NETO1: variants seen among roughly 807,000 people sequenced by gnomAD.
NETO1 encodes neuropilin and tolloid-like protein 1.
In NETO1, 26 loss-of-function variants were observed where a neutral mutation model predicts 61.3. That is an observed-to-expected ratio of 0.42 (90% CI 0.31 to 0.59). The LOEUF (loss-of-function observed/expected upper bound fraction) is 0.59. NETO1 is among the 20% of genes least tolerant of loss of function. NETO1 has a pLI of 0.12. For synonymous variants in NETO1, 225 were observed against 225.8 expected (o/e 1.00, Z 0.03); for missense variants, 531 against 662.8 (o/e 0.80, Z 2.18).
intron 8 of NETO1, among the ~76,000 whole-genome samples, chr18:72,751,615 G>A (rs2070620573): frequency 1.3e-5 from 2 of 152,160 alleles, no homozygotes; most frequent in Admixed American, 6.5e-5. Context: ...CTCAACACCA[G>A]GTGTCTCCAG....
chr18:72,844,076 T>A (rs1460403434), intron 4 of NETO1, among the ~76,000 whole-genome samples: 2 of 152,210 alleles, frequency 1.3e-5, no homozygotes, highest in African/African-American at 4.8e-5. Context: ...CATTGTTACG[T>A]CTCTTGAAAC....
intron 7 of NETO1, among the ~76,000 whole-genome samples, chr18:72,759,442 C>T (rs1044408689): frequency 6.6e-6 from 1 of 152,022 alleles, no homozygotes; most frequent in Admixed American, 6.6e-5. Context: ...TATGTTTAAT[C>T]GCTCATAATG....
At chr18:72,848,842 T>C (rs1302778214) in intron 4 of NETO1, among the ~76,000 whole-genome samples, 1 of 152,246 alleles carries the variant, frequency 6.6e-6, no homozygotes, top group African/African-American at 2.4e-5. Context: ...TCAATCTTTA[T>C]ATCTGTCTCC....
At chr18:72,865,455 T>C (rs2074706659) in intron 1 of NETO1, 2 of 1,271,294 alleles carry the variant, frequency 1.6e-6, no homozygotes, top group African/African-American at 1.5e-5. Flanking sequence ...AAGTTAAGAA[T>C]GGATGAGACC....
intron 4 of NETO1, among the ~76,000 whole-genome samples, chr18:72,831,977 G>C (rs2073596038): frequency 6.6e-6 from 1 of 151,582 alleles, no homozygotes; most frequent in Non-Finnish European, 1.5e-5. Flanking sequence ...CATAGTTTGA[G>C]TTAAAGGCCC....
rs943693961 is a variant in NETO1, at chr18:72,756,241, A to T, written c.869-94T>A. On this transcript the variant is annotated intron_variant, in intron 7 of 10. Coordinates refer to ENST00000327305, the MANE Select transcript of NETO1 (RefSeq NM_138966.5). The stretch of plus-strand genomic sequence containing the variant: ...TACAAATCTAAAAAAAAAAGATTAG[A>T]ATAATTTGCCACAAACTGAGATAAA... 31 of 636,074 alleles carry T rather than the reference A, an allele frequency of 4.9e-5. 1 individual carries two copies. The highest frequency in any genetic ancestry group is 2.8e-6 in the Non-Finnish European group (1 of 357,844). The allele number at this position is 636,074 out of a possible 1,614,324, so 39.4% of individuals were successfully genotyped here. A position where few individuals can be genotyped will look rare whatever the true frequency, so the allele number is the denominator to read the frequency against.
rs140544414 is a variant in NETO1 at position 72,811,731 on chromosome 18, A to G, written c.470-17327T>C. ...AAGGCAGGAGGATGGTTTGAAGCCA[A>G]CTGTTCGAGGCTGCAGAAAGCTGTG... On this transcript the variant is annotated intron_variant, in intron 4 of 10. Transcript: ENST00000327305. Among the ~76,000 whole-genome samples, 188 of 152,272 alleles carry G rather than the reference A, an allele frequency of 1.2e-3. No individual in the cohort carries two copies. In the East Asian group the frequency reaches 0.031, roughly 25 times the overall value.
intron 4 of NETO1, among the ~76,000 whole-genome samples, chr18:72,827,469 G>C (rs1241842430): frequency 6.6e-6 from 1 of 152,078 alleles, no homozygotes; most frequent in Admixed American, 6.6e-5. Context: ...CACAGCAAGG[G>C]GCCAGGCCCA....
chr18:72,743,906 G>C lies in NETO1; in HGVS notation c.*4273C>G, dbSNP rs2070377986. 6.6e-6 allele frequency: 1 copy of C among 152,170 alleles called. No individual in the cohort carries two copies. The highest frequency in any genetic ancestry group is 6.5e-5 in the Admixed American group (1 of 15,270). 9.4% of individuals were successfully genotyped at this position (152,170 alleles called of 1,614,324 possible). On this transcript the variant is annotated 3_prime_UTR_variant, in exon 11 of 11. Coordinates refer to ENST00000327305, the MANE Select transcript of NETO1 (RefSeq NM_138966.5). ...AACCACTATAAAATAGCATGCCTCA[G>C]AGGTTGGAAAGATGGCAGAAGTTGG...
chr18:72,760,483 C>T (rs1034859566), intron 7 of NETO1, among the ~76,000 whole-genome samples: 6 of 152,128 alleles, frequency 3.9e-5, no homozygotes, highest in African/African-American at 1.2e-4. Flanking sequence ...CTGTCAGGAG[C>T]GATAATCCTT....
chr18:72,742,973 G>A (rs140611448), downstream of NETO1, among the ~76,000 whole-genome samples: 148 of 152,224 alleles, frequency 9.7e-4, no homozygotes, highest in African/African-American at 3.4e-3. Context: ...CTAACAATCT[G>A]CCCGTTACTC....
chr18:72,805,060 G>A (rs1219557761), intron 4 of NETO1, among the ~76,000 whole-genome samples: 2 of 152,014 alleles, frequency 1.3e-5, no homozygotes, highest in Non-Finnish European at 2.9e-5. Flanking sequence ...AGTAAAATGT[G>A]GAAAAACTAA....
At chr18:72,850,232 C>T (rs144747100) in intron 4 of NETO1, among the ~76,000 whole-genome samples, 1 of 152,210 alleles carries the variant, frequency 6.6e-6, no homozygotes, top group African/African-American at 2.4e-5. Flanking sequence ...CTTGCAGATA[C>T]TATATTTCTA....
chr18:72,857,911 T>G (rs762111478), intron 4 of NETO1, among the ~76,000 whole-genome samples: 1 of 152,120 alleles, frequency 6.6e-6, no homozygotes, highest in Non-Finnish European at 1.5e-5. Context: ...TTTTTAAAAT[T>G]TTAGTTTTTT....
chr18:72,823,570 G>T (rs2073278929), intron 4 of NETO1, among the ~76,000 whole-genome samples: 1 of 152,144 alleles, frequency 6.6e-6, no homozygotes, highest in South Asian at 2.1e-4. Flanking sequence ...GGCCGTGTGA[G>T]AAGACGGGAG....
intron 4 of NETO1, among the ~76,000 whole-genome samples, chr18:72,808,939 G>A (rs1006693465): frequency 2.6e-5 from 4 of 152,210 alleles, no homozygotes; most frequent in Admixed American, 6.5e-5. Context: ...AGCCTGGCAC[G>A]GGTGCATGCA....
intron 4 of NETO1, among the ~76,000 whole-genome samples, chr18:72,797,460 A>G (rs2072355723): frequency 6.6e-6 from 1 of 152,224 alleles, no homozygotes; most frequent in Non-Finnish European, 1.5e-5. Flanking sequence ...AATAAACAAT[A>G]TTCTTTTTTA....
intron 4 of NETO1, among the ~76,000 whole-genome samples, chr18:72,851,742 T>A (rs2074256811): frequency 6.6e-6 from 1 of 152,166 alleles, no homozygotes; most frequent in African/African-American, 2.4e-5. Flanking sequence ...ATGTATCAGT[T>A]AATGGTGAAA....
chr18:72,802,577 T>C (rs2072544395), intron 4 of NETO1, among the ~76,000 whole-genome samples: 1 of 152,242 alleles, frequency 6.6e-6, no homozygotes, highest in African/African-American at 2.4e-5. Flanking sequence ...ATGTGAATGC[T>C]TGACAACAAA....
Sources: allele counts gnomAD v4.1 joint callset (sites outside exome capture counted in the v4.1 genomes callset), GRCh38; gene constraint gnomAD v4.1.1; transcripts MANE v1.5; gene names NCBI Gene and HGNC (gene_info 2026-07-23, HGNC 2026-07-21).